The following DSCAM variants were observed in gnomAD, a reference collection of about 807,000 sequenced individuals.
DSCAM encodes DS cell adhesion molecule, also known as cell adhesion molecule DSCAM.
In DSCAM, 47 loss-of-function variants were observed where a neutral mutation model predicts 217.7. The observed-to-expected ratio is 0.22, with a 90% confidence interval of 0.17 to 0.28. The LOEUF (loss-of-function observed/expected upper bound fraction) is 0.28, where lower values mean the gene tolerates loss of function less well. Ranked by LOEUF, DSCAM falls within the 10% of genes least tolerant of loss-of-function variation. The probability of loss-of-function intolerance (pLI) is 1.00; values close to 1 mark genes in which losing one functional copy is unlikely to be tolerated. For synonymous variants in DSCAM, 1,056 were observed against 1,015.3 expected (o/e 1.04, Z -0.76); for missense variants, 2,080 against 2,618.3 (o/e 0.79, Z 4.49).
chr21:40,188,112 A>T (rs1339541595), intron 12 of DSCAM, 125 bp from the exon 13 acceptor site: 7 of 568,034 alleles, frequency 1.2e-5, no homozygotes, highest in Admixed American at 3.3e-5. Context: ...GTACACTCAC[A>T]CACACACACA....
At chr21:40,284,329 A>G (rs2073799803) in intron 10 of DSCAM, among the ~76,000 whole-genome samples, 1 of 152,194 alleles carries the variant, frequency 6.6e-6, no homozygotes, top group African/African-American at 2.4e-5. Context: ...TCCCTGAGAA[A>G]GAAGCTTCCA....
intron 3 of DSCAM, among the ~76,000 whole-genome samples, chr21:40,603,712 T>C (rs1046549563): frequency 1.3e-5 from 2 of 152,134 alleles, no homozygotes; most frequent in African/African-American, 4.8e-5. Context: ...GTGGGTTTTT[T>C]GTTGCTGTTG....
At chr21:40,555,249 C>A (rs62223576) in intron 3 of DSCAM, among the ~76,000 whole-genome samples, 8,984 of 152,192 alleles carry the variant, frequency 0.059, 339 homozygotes, top group East Asian at 0.11. Context: ...GCTTGGGGAA[C>A]ACAGGGAAGA....
chr21:40,198,149 C>T (rs1007913875), intron 11 of DSCAM, among the ~76,000 whole-genome samples: 1 of 152,112 alleles, frequency 6.6e-6, no homozygotes, highest in Admixed American at 6.5e-5. Context: ...ATTAAGCAGA[C>T]GAGACTGGCT....
At chr21:40,579,274 C>T (rs1351685416) in intron 3 of DSCAM, among the ~76,000 whole-genome samples, 1 of 149,056 alleles carries the variant, frequency 6.7e-6, no homozygotes, top group African/African-American at 2.5e-5. Context: ...AAAGCAGATC[C>T]AAAAAAAAAC....
At chr21:40,104,980 T>C (rs1347021490) in intron 20 of DSCAM, among the ~76,000 whole-genome samples, 1 of 152,216 alleles carries the variant, frequency 6.6e-6, no homozygotes, top group Non-Finnish European at 1.5e-5. Flanking sequence ...GAATGAATGC[T>C]ACCTCAAAGC....
intron 1 of DSCAM, among the ~76,000 whole-genome samples, chr21:40,828,650 C>T (rs984317685): frequency 1.5e-5 from 2 of 134,756 alleles, no homozygotes; most frequent in Admixed American, 8.5e-5. Context: ...CAGGGGACAC[C>T]CCACCCTCTT....
At chr21:40,464,787 C>T (rs564140033) in intron 3 of DSCAM, among the ~76,000 whole-genome samples, 28 of 149,582 alleles carry the variant, frequency 1.9e-4, no homozygotes, top group African/African-American at 6.2e-4. Flanking sequence ...TGTTGCCAGG[C>T]TGGAGCACGG....
chr21:40,767,639 C>G (rs961273610), intron 1 of DSCAM, among the ~76,000 whole-genome samples: 1 of 152,164 alleles, frequency 6.6e-6, no homozygotes, highest in East Asian at 1.9e-4. Flanking sequence ...AGAACAGAGA[C>G]CCCAGGGTGG....
rs1167785938 is a variant in DSCAM, at chr21:40,655,440, GTCTC to G, written c.508+37366_508+37369del. On this transcript the variant is annotated intron_variant, in intron 3 of 32. Coordinates refer to ENST00000400454, the MANE Select transcript of DSCAM (RefSeq NM_001389.5). ...GGTGCTATTGTGCTCCCTTCAATCT[GTCTC>G]TCTTTTTTTTTTTTTTGAGACAGGG... 2.3e-3 allele frequency among the ~76,000 whole-genome samples: 280 copies of G among 123,078 alleles called. 1 individual carries two copies. The highest frequency in any genetic ancestry group is 7.9e-3 in the African/African-American group (247 of 31,148). 80.7% of individuals were successfully genotyped at this position (123,078 alleles called of 152,430 possible).
intron 11 of DSCAM, among the ~76,000 whole-genome samples, chr21:40,229,814 T>G (rs372301416): frequency 6.6e-6 from 1 of 152,228 alleles, no homozygotes; most frequent in Non-Finnish European, 1.5e-5. Context: ...AACATTGATA[T>G]GCAGATTTTT....
intron 11 of DSCAM, among the ~76,000 whole-genome samples, chr21:40,192,964 T>C (rs780962407): frequency 1.3e-5 from 2 of 152,222 alleles, no homozygotes; most frequent in Non-Finnish European, 2.9e-5. Context: ...CTGGGTTATA[T>C]GGCAATTTCA....
intron 1 of DSCAM, among the ~76,000 whole-genome samples, chr21:40,758,289 G>A (rs1236843808): frequency 6.6e-6 from 1 of 152,108 alleles, no homozygotes; most frequent in African/African-American, 2.4e-5. Context: ...CTTTGTTACG[G>A]CTGTCCTAGG....
At chr21:40,289,618 T>C (rs1026550314) in intron 10 of DSCAM, among the ~76,000 whole-genome samples, 5 of 152,188 alleles carry the variant, frequency 3.3e-5, no homozygotes, top group African/African-American at 1.2e-4. Context: ...TTACAGTACA[T>C]TGTAATAATA....
chr21:40,239,338 T>C (rs1478321781), intron 11 of DSCAM, among the ~76,000 whole-genome samples: 2 of 152,188 alleles, frequency 1.3e-5, no homozygotes, highest in Admixed American at 1.3e-4. Context: ...TAATAACCTA[T>C]AACAACATTG....
Position 40,142,672 on chromosome 21 carries a change from T to C in DSCAM, c.3292A>G (p.Ile1098Val), listed in dbSNP as rs1568964184. The change falls in exon 18 of 33, where the codon ATA (isoleucine) becomes GTA (valine). Residue 1098 changes from isoleucine to valine, a missense_variant. Ile to Val is a conservative substitution (Grantham distance 29). Transcript: ENST00000400454. Reference sequence around the variant, plus strand: ...GATATGCTTTCTGGTGATGTTGCTATGGCTTGGACATTTTCGGGGGGGTAA... The same window carrying C: ...GATATGCTTTCTGGTGATGTTGCTACGGCTTGGACATTTTCGGGGGGGTAA... ...PSYPPENVQAIATSPESISIS... is the reference protein window; with the variant it reads ...PSYPPENVQAVATSPESISIS... 1.2e-6 allele frequency: 2 copies of C among 1,614,212 alleles called. No individual in the cohort carries two copies. The highest frequency in any genetic ancestry group is 4.5e-5 in the East Asian group (2 of 44,888).
At chr21:40,345,448 C>T (rs1333403596) in intron 6 of DSCAM, among the ~76,000 whole-genome samples, 1 of 152,132 alleles carries the variant, frequency 6.6e-6, no homozygotes, top group East Asian at 1.9e-4. Flanking sequence ...TTGTTTTTAT[C>T]ATCTTGGGAG....
intron 8 of DSCAM, among the ~76,000 whole-genome samples, chr21:40,336,945 C>G (rs2074435211): frequency 6.6e-6 from 1 of 152,086 alleles, no homozygotes; most frequent in African/African-American, 2.4e-5. Flanking sequence ...CCAAGAATAT[C>G]TAGTGATTTG....
At chr21:40,045,010 G>A (rs1418632358) in intron 30 of DSCAM, among the ~76,000 whole-genome samples, 1 of 152,198 alleles carries the variant, frequency 6.6e-6, no homozygotes, top group Non-Finnish European at 1.5e-5. Context: ...GAATAGGGTT[G>A]GCCCTTAATC....
Sources: allele counts gnomAD v4.1 joint callset (sites outside exome capture counted in the v4.1 genomes callset), GRCh38; gene constraint gnomAD v4.1.1; transcripts MANE v1.5; gene names NCBI Gene and HGNC (gene_info 2026-07-23, HGNC 2026-07-21).